Variants in DRC11 observed in about 807,000 individuals in gnomAD.
DRC11 encodes the protein dynein regulatory complex subunit 11.
At chr2:236,479,556 T>C in the DRC11 span, among the ~76,000 whole-genome samples, 1 of 152,304 alleles carries the variant, frequency 6.6e-6, no homozygotes, top group East Asian at 1.9e-4. This position sits in a 1 kb window ranked among gnomAD's most constrained non-coding sequence, Gnocchi z 4.1. Context: ...ATATAAGTTA[T>C]TTTAAAAAGA....
At chr2:236,442,119 A>G in the DRC11 span, among the ~76,000 whole-genome samples, 1 of 152,168 alleles carries the variant, frequency 6.6e-6, no homozygotes. Flanking sequence ...ACAAATAATT[A>G]AAGCTTAGAA....
chr2:236,459,624 C>CGTATATACGTATATACGTATATAT, the DRC11 span, among the ~76,000 whole-genome samples: 1 of 82,644 alleles, frequency 1.2e-5, no homozygotes, highest in African/African-American at 4.5e-5. Context: ...TAAGTATATA[C>CGTATATACGTATATACGTATATAT]ATACGTATAT....
chr2:236,358,678 CT>C, the DRC11 span, among the ~76,000 whole-genome samples: 104 of 139,788 alleles, frequency 7.4e-4, 2 homozygotes, highest in African/African-American at 2.6e-3. Flanking sequence ...TTTACACATA[CT>C]TTCTCTTTTA....
chr2:236,474,567 C>A, the DRC11 span, among the ~76,000 whole-genome samples: 1 of 152,126 alleles, frequency 6.6e-6, no homozygotes, highest in African/African-American at 2.4e-5. Flanking sequence ...AGTAAAATTT[C>A]ATGTTAAACT....
At chr2:236,378,828 C>T in the DRC11 span, among the ~76,000 whole-genome samples, 864 of 152,266 alleles carry the variant, frequency 5.7e-3, 5 homozygotes, top group Non-Finnish European at 6.8e-3. Context: ...TGTGCCTCCC[C>T]AGGAACTGGG....
chr2:236,481,340 TAGAAACC>T, the DRC11 span, among the ~76,000 whole-genome samples: 3 of 152,116 alleles, frequency 2.0e-5, no homozygotes, highest in African/African-American at 7.2e-5. Context: ...TTTTCCAGGG[TAGAAACC>T]ATGAGTCTGG....
At chr2:236,325,081 C>T in the DRC11 span, among the ~76,000 whole-genome samples, 2 of 152,224 alleles carry the variant, frequency 1.3e-5, no homozygotes, top group Admixed American at 6.5e-5. The surrounding 1 kb of genome is among the most constrained non-coding windows in gnomAD (Gnocchi z 4.4). Context: ...CCTGTTTTTC[C>T]GGGGTTGGGT....
chr2:236,357,346 A>G, the DRC11 span, among the ~76,000 whole-genome samples: 23 of 119,578 alleles, frequency 1.9e-4, no homozygotes, highest in Non-Finnish European at 2.9e-4. Context: ...GAATATATAT[A>G]TTATATGTAT....
the DRC11 span, among the ~76,000 whole-genome samples, chr2:236,357,670 A>G: frequency 8.0e-6 from 1 of 125,680 alleles, no homozygotes; most frequent in Non-Finnish European, 1.6e-5. Context: ...CATAATACAT[A>G]AATATATATT....
chr2:236,489,223 GC>G, the DRC11 span, among the ~76,000 whole-genome samples: 3 of 145,854 alleles, frequency 2.1e-5, no homozygotes, highest in Non-Finnish European at 4.5e-5. Flanking sequence ...TGCAGGTGAG[GC>G]CTGTGTGGGC....
chr2:236,349,395 G>T, the DRC11 span, among the ~76,000 whole-genome samples: 1 of 152,214 alleles, frequency 6.6e-6, no homozygotes, highest in East Asian at 1.9e-4. This position sits in a 1 kb window ranked among gnomAD's most constrained non-coding sequence, Gnocchi z 5.5. Flanking sequence ...ACAAAGGCAA[G>T]ATCTTATTTT....
chr2:236,378,953 C>T, the DRC11 span, among the ~76,000 whole-genome samples: 2 of 152,116 alleles, frequency 1.3e-5, no homozygotes, highest in Non-Finnish European at 2.9e-5. Context: ...ACCTGCAGCC[C>T]CTCCCCCTAT....
At chr2:236,358,379 ATT>A in the DRC11 span, among the ~76,000 whole-genome samples, 1 of 136,988 alleles carries the variant, frequency 7.3e-6, no homozygotes, top group Non-Finnish European at 1.6e-5. Context: ...ATAGATATAT[ATT>A]TATGATATAT....
chr2:236,413,874 C>A, the DRC11 span, among the ~76,000 whole-genome samples: 1 of 152,176 alleles, frequency 6.6e-6, no homozygotes, highest in East Asian at 1.9e-4. This position sits in a 1 kb window ranked among gnomAD's most constrained non-coding sequence, Gnocchi z 4.0. Flanking sequence ...TCTATTACTG[C>A]GACTTTTGTT....
the DRC11 span, among the ~76,000 whole-genome samples, chr2:236,401,111 C>A: frequency 3.9e-5 from 6 of 152,142 alleles, no homozygotes; most frequent in African/African-American, 1.2e-4. The surrounding 1 kb of genome is among the most constrained non-coding windows in gnomAD (Gnocchi z 4.6). Flanking sequence ...ACAGTCCAAG[C>A]CCCTCAGCAG....
chr2:236,458,097 G>T, the DRC11 span, among the ~76,000 whole-genome samples: 1 of 152,106 alleles, frequency 6.6e-6, no homozygotes, highest in Non-Finnish European at 1.5e-5. Context: ...TAATTACAAA[G>T]GAGGCCAGGG....
the DRC11 span, among the ~76,000 whole-genome samples, chr2:236,490,929 TATATATATGA>T: frequency 6.1e-5 from 9 of 147,606 alleles, no homozygotes; most frequent in African/African-American, 1.5e-4. The surrounding 1 kb of genome is among the most constrained non-coding windows in gnomAD (Gnocchi z 5.5). Context: ...TATATATGTG[TATATATATGA>T]GTGTGTATAT....
chr2:236,380,684 C>A, the DRC11 span: 6 of 1,362,848 alleles, frequency 4.4e-6, no homozygotes, highest in South Asian at 6.2e-5. The surrounding 1 kb of genome is among the most constrained non-coding windows in gnomAD (Gnocchi z 4.9). Flanking sequence ...AACAAGCAAG[C>A]AAATAAGTCC....
the DRC11 span, among the ~76,000 whole-genome samples, chr2:236,454,264 C>T: frequency 1.3e-5 from 2 of 152,166 alleles, no homozygotes; most frequent in Non-Finnish European, 2.9e-5. This position sits in a 1 kb window ranked among gnomAD's most constrained non-coding sequence, Gnocchi z 5.3. Flanking sequence ...GAGCCTAGAG[C>T]TGCTGGATGT....
Sources: allele counts gnomAD v4.1 joint callset (sites outside exome capture counted in the v4.1 genomes callset), GRCh38; gene constraint gnomAD v4.1.1; non-coding constraint Gnocchi (gnomAD v3.1); transcripts MANE v1.5; gene names NCBI Gene and HGNC (gene_info 2026-07-23, HGNC 2026-07-21).